KANK4: variants seen among roughly 807,000 people sequenced by gnomAD.
KANK4 encodes KN motif and ankyrin repeat domain-containing protein 4.
A neutral mutation model predicts 80.8 loss-of-function variants in KANK4; 50 were observed. That is an observed-to-expected ratio of 0.62 (90% confidence interval 0.49 to 0.78). The LOEUF is 0.78. Among genes scored for constraint, KANK4 ranks in the 30% least tolerant of loss-of-function variants. The probability of loss-of-function intolerance (pLI) is 0.00; values close to 1 mark genes in which losing one functional copy is unlikely to be tolerated. For missense variants in KANK4, 1,196 were observed against 1,240.1 expected (o/e 0.96, Z 0.53); for synonymous variants, 465 against 506.9 (o/e 0.92, Z 1.11).
chr1:62,310,603 G>C (rs1358676000), intron 1 of KANK4, among the ~76,000 whole-genome samples: 3 of 152,210 alleles, frequency 2.0e-5, no homozygotes, highest in Admixed American at 6.5e-5. Context: ...CTGGGAAGGG[G>C]AGAAGGAGCT....
chr1:62,271,546 T>C lies in KANK4; in HGVS notation c.1944A>G (p.Lys648=). ...STSLKSIMKK[K]DYGFRAGGNG... is the part of the protein sequence containing the mutation. ...TACCTCCTGCACGGAAGCCATAGTCTTTCTTTTTCATTATGGATTTAAGGC... is the reference window on the plus strand; with the variant it reads ...TACCTCCTGCACGGAAGCCATAGTCCTTCTTTTTCATTATGGATTTAAGGC... Residue 648 remains lysine (K), a synonymous_variant, in exon 4 of 10, where the codon AAA becomes AAG. Transcript: ENST00000371153. 1 of 1,614,124 alleles carries C rather than the reference T, an allele frequency of 6.2e-7. No individual in the cohort carries two copies. Among genetic ancestry groups the C allele is most frequent in the East Asian group, 2.2e-5 (1 of 44,880 alleles).
At chr1:62,293,062 TTGTGTGTGTGTGTGTGTGTGTGTGTG>T (rs5774593) in intron 1 of KANK4, among the ~76,000 whole-genome samples, 1 of 146,682 alleles carries the variant, frequency 6.8e-6, no homozygotes, top group African/African-American at 2.5e-5. Context: ...GTCTCAATCT[TTGTGTGTGTGTGTGTGTGTGTGTGTG>T]TGTGTGTGTG....
At chr1:62,293,366 A>G (rs12085325) in intron 1 of KANK4, among the ~76,000 whole-genome samples, 49,888 of 151,818 alleles carry the variant, frequency 0.33, 9,077 homozygotes, top group African/African-American at 0.48. Flanking sequence ...AAGTGCTGGG[A>G]TTACAGGTGT....
chr1:62,258,639 G>T (rs74076418), intron 7 of KANK4, among the ~76,000 whole-genome samples: 2,177 of 152,226 alleles, frequency 0.014, 45 homozygotes, highest in African/African-American at 0.05. Flanking sequence ...TTTAACAGAC[G>T]TTTTCACTCA....
intron 9 of KANK4, among the ~76,000 whole-genome samples, chr1:62,240,949 A>G (rs1483859220): frequency 6.6e-6 from 1 of 152,196 alleles, no homozygotes; most frequent in African/African-American, 2.4e-5. Flanking sequence ...CACTCTTTAG[A>G]TAACTTATTG....
chr1:62,284,763 T>C (rs1025057734), intron 1 of KANK4, among the ~76,000 whole-genome samples: 2 of 152,206 alleles, frequency 1.3e-5, no homozygotes, highest in African/African-American at 4.8e-5. Context: ...CCTCTCTCCA[T>C]AGCTCATCAT....
chr1:62,254,565 G>GT (rs1028977408), intron 7 of KANK4, among the ~76,000 whole-genome samples: 20 of 135,232 alleles, frequency 1.5e-4, no homozygotes, highest in Admixed American at 3.0e-4. Flanking sequence ...TTTTTTTTTT[G>GT]TTTTTTTTTT....
intron 7 of KANK4, among the ~76,000 whole-genome samples, chr1:62,262,207 C>T (rs956257544): frequency 6.6e-6 from 1 of 152,188 alleles, no homozygotes; most frequent in Admixed American, 6.5e-5. Context: ...TGGAGGTGGA[C>T]AGAGTACAAA....
At chr1:62,243,548 A>G (rs1392954019) in intron 9 of KANK4, among the ~76,000 whole-genome samples, 3 of 152,160 alleles carry the variant, frequency 2.0e-5, no homozygotes, top group African/African-American at 4.8e-5. Flanking sequence ...AATGTTGGCC[A>G]GGCTGGTCTT....
intron 1 of KANK4, among the ~76,000 whole-genome samples, chr1:62,316,970 GC>G (rs1157851808): frequency 2.0e-5 from 3 of 152,304 alleles, no homozygotes; most frequent in Non-Finnish European, 4.4e-5. Context: ...TATGTTTAAT[GC>G]CGAAGTTCAA....
At chr1:62,268,259 G>T (rs1348895082) in intron 5 of KANK4, 28 bp downstream of exon 5, 8 of 1,571,606 alleles carry the variant, frequency 5.1e-6, no homozygotes, top group Non-Finnish European at 7.0e-6. Flanking sequence ...AGAGGAACAA[G>T]TGCCCGCGTT....
chr1:62,292,949 C>A (rs1925826), intron 1 of KANK4, among the ~76,000 whole-genome samples: 6,681 of 152,230 alleles, frequency 0.044, 471 homozygotes, highest in African/African-American at 0.15. Flanking sequence ...TCTTGCTGGA[C>A]TGAAAGCTCC....
intron 9 of KANK4, among the ~76,000 whole-genome samples, chr1:62,245,776 A>G (rs1671450459): frequency 6.6e-6 from 1 of 152,188 alleles, no homozygotes. Context: ...GGAGCACTCT[A>G]GAAATATTAT....
intron 8 of KANK4, among the ~76,000 whole-genome samples, chr1:62,252,548 G>C (rs1024202692): frequency 3.3e-5 from 5 of 152,248 alleles, no homozygotes; most frequent in African/African-American, 1.2e-4. Context: ...ACACCCCTAG[G>C]AATGATCAGC....
rs1178376183 is a variant in KANK4, at chr1:62,294,551, T to G, written c.-70-12917A>C. Among the ~76,000 whole-genome samples, 3 of 152,200 alleles carry G rather than the reference T, an allele frequency of 2.0e-5. No homozygotes were observed. In the East Asian group the frequency reaches 5.8e-4, roughly 29 times the overall value. On this transcript the variant is annotated intron_variant, in intron 1 of 9. Coordinates refer to ENST00000371153, the MANE Select transcript of KANK4 (RefSeq NM_181712.5). The stretch of plus-strand genomic sequence containing the variant: ...GGGCTGTTGCATCTGCCTTCTGGGT[T>G]GGGAGGAAGGTTTTTGTTGGCTCAA...
At chr1:62,249,401 C>T (rs188102856) in intron 8 of KANK4, among the ~76,000 whole-genome samples, 1 of 149,132 alleles carries the variant, frequency 6.7e-6, no homozygotes, top group African/African-American at 2.5e-5. Context: ...TTTTTTGAGA[C>T]AGAATCTCGC....
intron 3 of KANK4, chr1:62,272,625 C>A (rs939567593): frequency 5.3e-5 from 8 of 152,214 alleles, no homozygotes; most frequent in African/African-American, 1.9e-4. Context: ...CATTTGCCCT[C>A]CCTGGCTGGC....
In KANK4 at chr1:62,236,522, T is replaced by C. The variant is rs1245539916; in HGVS notation, c.*1755A>G. ...TGTGTTCTGGGACTCTGAGCCTCTC[T>C]TATGAATCACAATGGCAAAAGAAGT... On this transcript the variant is annotated 3_prime_UTR_variant, in exon 10 of 10. Transcript: ENST00000371153. 1.3e-5 allele frequency among the ~76,000 whole-genome samples: 2 copies of C among 152,100 alleles called. No homozygotes were observed. Among genetic ancestry groups the C allele is most frequent in the Non-Finnish European group, 2.9e-5 (2 of 68,024 alleles).
chr1:62,247,467 C>G lies in KANK4; in HGVS notation c.2883+5G>C. On this transcript the variant is annotated splice_donor_5th_base_variant and intron_variant, in intron 9 of 9. Coordinates refer to ENST00000371153, the MANE Select transcript of KANK4 (RefSeq NM_181712.5). ...AGCTACTTGTTAATTGCCTGTAAGTCTCACCTTGTCAGTCAGGCTGCTGTC... is the reference window on the plus strand; with the variant it reads ...AGCTACTTGTTAATTGCCTGTAAGTGTCACCTTGTCAGTCAGGCTGCTGTC... 1 of 1,613,666 alleles carries G rather than the reference C, an allele frequency of 6.2e-7. No homozygotes were observed. The highest frequency in any genetic ancestry group is 1.1e-5 in the South Asian group (1 of 91,060).
Sources: allele counts gnomAD v4.1 joint callset (sites outside exome capture counted in the v4.1 genomes callset), GRCh38; gene constraint gnomAD v4.1.1; transcripts MANE v1.5; gene names NCBI Gene and HGNC (gene_info 2026-07-23, HGNC 2026-07-21).